Variants in ADGRL2 observed in about 807,000 individuals in gnomAD.
The protein encoded by ADGRL2 is calcium-independent alpha-latrotoxin receptor 2.
A neutral mutation model predicts 157.4 loss-of-function variants in ADGRL2; 44 were observed. The observed-to-expected ratio is 0.28, with a 90% confidence interval of 0.22 to 0.36. ADGRL2 has a LOEUF of 0.36. ADGRL2 is among the 10% of genes least tolerant of loss of function. ADGRL2 has a pLI of 1.00. For synonymous variants in ADGRL2, 585 were observed against 624.7 expected (o/e 0.94, Z 0.95); for missense variants, 1,510 against 1,768.9 (o/e 0.85, Z 2.63).
chr1:81,518,514 C>G (rs899457350), intron 2 of ADGRL2, among the ~76,000 whole-genome samples: 8 of 152,194 alleles, frequency 5.3e-5, no homozygotes, highest in Admixed American at 2.0e-4. Context: ...AGGTGAGAGT[C>G]TTCTGACTTG....
chr1:81,817,172 T>G (rs1234113614), intron 1 of ADGRL2, among the ~76,000 whole-genome samples: 9 of 152,084 alleles, frequency 5.9e-5, no homozygotes. Context: ...TTCATCATTG[T>G]AGCATACAAT....
At chr1:81,617,761 C>T (rs913234748) in intron 3 of ADGRL2, among the ~76,000 whole-genome samples, 2 of 152,216 alleles carry the variant, frequency 1.3e-5, no homozygotes, top group Non-Finnish European at 2.9e-5. Context: ...CCATTGCAAG[C>T]GCCATTCCTG....
At chr1:81,455,584 GA>G (rs1480106191) in intron 2 of ADGRL2, among the ~76,000 whole-genome samples, 1 of 152,192 alleles carries the variant, frequency 6.6e-6, no homozygotes, top group Non-Finnish European at 1.5e-5. Flanking sequence ...CATAAAGGAA[GA>G]AGCCATGTGT....
At chr1:81,859,468 A>G (rs1557789028) in intron 2 of ADGRL2, among the ~76,000 whole-genome samples, 2 of 143,380 alleles carry the variant, frequency 1.4e-5, no homozygotes, top group Non-Finnish European at 3.0e-5. Flanking sequence ...GTGCAGTGGC[A>G]TGATTTCTGC....
chr1:81,524,641 T>C, intron 2 of ADGRL2, among the ~76,000 whole-genome samples: 1 of 152,202 alleles, frequency 6.6e-6, no homozygotes, highest in East Asian at 1.9e-4. Context: ...AAACTTCATG[T>C]ATAAATACTA....
At chr1:81,338,533 A>G (rs547999207) in intron 1 of ADGRL2, among the ~76,000 whole-genome samples, 1 of 152,304 alleles carries the variant, frequency 6.6e-6, no homozygotes, top group South Asian at 2.1e-4. Context: ...AATAGAAATT[A>G]AGTGAGTTAA....
At chr1:81,989,946 A>T (rs977003340) in intron 23 of ADGRL2, 2 of 985,034 alleles carry the variant, frequency 2.0e-6, no homozygotes, top group African/African-American at 3.5e-5. Context: ...TTGTATTGTG[A>T]CTTACTCCTT....
chr1:81,875,993 C>T (rs2093829627), intron 2 of ADGRL2, among the ~76,000 whole-genome samples: 1 of 152,048 alleles, frequency 6.6e-6, no homozygotes, highest in African/African-American at 2.4e-5. Context: ...GCTTGTAAAA[C>T]AAGTCTTTTT....
At chr1:81,914,725 G>A (rs911673329) in intron 3 of ADGRL2, among the ~76,000 whole-genome samples, 4 of 151,986 alleles carry the variant, frequency 2.6e-5, no homozygotes, top group African/African-American at 9.7e-5. Flanking sequence ...TCTCACTCGT[G>A]GCCTAGTTGT....
intron 2 of ADGRL2, among the ~76,000 whole-genome samples, chr1:81,553,070 T>G (rs2080189914): frequency 6.6e-6 from 1 of 152,156 alleles, no homozygotes. Flanking sequence ...AGTGTAGAGA[T>G]GACTTCCACC....
intron 1 of ADGRL2, among the ~76,000 whole-genome samples, chr1:81,345,838 A>C (rs1382062571): frequency 6.6e-6 from 1 of 152,208 alleles, no homozygotes; most frequent in Non-Finnish European, 1.5e-5. Flanking sequence ...ATAGATATTC[A>C]ATTGATATTA....
chr1:81,946,753 A>G (rs1649999518), intron 6 of ADGRL2, among the ~76,000 whole-genome samples: 2 of 152,156 alleles, frequency 1.3e-5, no homozygotes, highest in Non-Finnish European at 2.9e-5. Flanking sequence ...ATGCTGTATA[A>G]AAGATGATCA....
chr1:81,614,776 G>C (rs2081608528), intron 3 of ADGRL2, among the ~76,000 whole-genome samples: 1 of 151,700 alleles, frequency 6.6e-6, no homozygotes, highest in Admixed American at 6.6e-5. Flanking sequence ...TGTAATCCGA[G>C]CACTTTGGGA....
At chr1:81,739,668 C>T (rs17425182) in intron 1 of ADGRL2, among the ~76,000 whole-genome samples, 14,078 of 152,232 alleles carry the variant, frequency 0.092, 760 homozygotes, top group Middle Eastern at 0.13. Context: ...CAAGAGATAC[C>T]TGCCTCAGCA....
chr1:81,401,062 C>T (rs553401836), intron 1 of ADGRL2, among the ~76,000 whole-genome samples: 22 of 152,282 alleles, frequency 1.4e-4, no homozygotes, highest in South Asian at 4.1e-4. Context: ...AGGCAGGATG[C>T]GACTTCAGCT....
At chr1:81,454,731 C>A (rs1021858506) in intron 2 of ADGRL2, among the ~76,000 whole-genome samples, 3 of 152,156 alleles carry the variant, frequency 2.0e-5, no homozygotes, top group Admixed American at 1.3e-4. Flanking sequence ...ATATCAAGAG[C>A]GATCCTTTCA....
chr1:81,958,464 A>G (rs1414317389), intron 11 of ADGRL2, among the ~76,000 whole-genome samples: 1 of 152,116 alleles, frequency 6.6e-6, no homozygotes, highest in African/African-American at 2.4e-5. Flanking sequence ...CCTTGAGGAC[A>G]TGGCTATAAT....
intron 19 of ADGRL2, 128 bp from the exon 20 acceptor site, chr1:81,984,455 T>G: frequency 9.8e-7 from 1 of 1,023,158 alleles, no homozygotes; most frequent in Non-Finnish European, 1.4e-6. Context: ...AAGTTCAATT[T>G]ATTTTCTCCA....
intron 2 of ADGRL2, among the ~76,000 whole-genome samples, chr1:81,892,854 G>A (rs149329281): frequency 2.6e-5 from 4 of 152,248 alleles, no homozygotes; most frequent in Admixed American, 1.3e-4. Flanking sequence ...AACACTAGTA[G>A]TCCAACCCTT....
Sources: allele counts gnomAD v4.1 joint callset (sites outside exome capture counted in the v4.1 genomes callset), GRCh38; gene constraint gnomAD v4.1.1; transcripts MANE v1.5; gene names NCBI Gene and HGNC (gene_info 2026-07-23, HGNC 2026-07-21).